GRM3: variants seen among roughly 807,000 people sequenced by gnomAD.
GRM3 encodes the protein metabotropic glutamate receptor 3.
Under a neutral mutation model 70.5 loss-of-function variants are expected in GRM3, and 26 were observed. The observed-to-expected ratio is 0.37, with a 90% confidence interval of 0.27 to 0.51. The LOEUF is 0.51. GRM3 is among the 20% of genes least tolerant of loss of function. GRM3 has a pLI of 0.93. For missense variants in GRM3, 859 were observed against 1,123.8 expected (o/e 0.76, Z 3.37); for synonymous variants, 443 against 434.9 (o/e 1.02, Z -0.23).
At chr7:86,808,334 T>C (rs1342604594) in intron 3 of GRM3, among the ~76,000 whole-genome samples, 1 of 152,120 alleles carries the variant, frequency 6.6e-6, no homozygotes, top group Non-Finnish European at 1.5e-5. Context: ...CCAGCTCCTC[T>C]TTGTACCTCT....
chr7:86,863,574 C>T (rs1322892694), intron 5 of GRM3, among the ~76,000 whole-genome samples: 1 of 152,084 alleles, frequency 6.6e-6, no homozygotes, highest in African/African-American at 2.4e-5. Flanking sequence ...CTTAGCAACC[C>T]AGCCCTTACT....
chr7:86,843,873 G>A (rs901920609), intron 4 of GRM3, among the ~76,000 whole-genome samples: 1 of 152,154 alleles, frequency 6.6e-6, no homozygotes, highest in Non-Finnish European at 1.5e-5. Context: ...ACCTTGAAAA[G>A]CGGGTTACTG....
intron 1 of GRM3, among the ~76,000 whole-genome samples, chr7:86,705,479 C>T (rs1360980162): frequency 3.3e-5 from 5 of 151,926 alleles, no homozygotes; most frequent in Admixed American, 6.6e-5. Context: ...TGATGAAAAA[C>T]GAAGCTGAGG....
At chr7:86,656,361 C>T (rs900487782) in intron 1 of GRM3, among the ~76,000 whole-genome samples, 4 of 150,880 alleles carry the variant, frequency 2.7e-5, no homozygotes, top group African/African-American at 4.9e-5. Context: ...CTCTGCCTCC[C>T]GGGTTCAAGC....
At chr7:86,701,874 A>G (rs1175457560) in intron 1 of GRM3, among the ~76,000 whole-genome samples, 1 of 151,922 alleles carries the variant, frequency 6.6e-6, no homozygotes, top group Non-Finnish European at 1.5e-5. Context: ...TCCCATGCAT[A>G]TGATTGTCAC....
At chr7:86,832,532 T>C (rs1037601785) in intron 3 of GRM3, among the ~76,000 whole-genome samples, 2 of 151,890 alleles carry the variant, frequency 1.3e-5, no homozygotes, top group Non-Finnish European at 2.9e-5. Context: ...ATTACAGGAG[T>C]CAGCCACTGC....
chr7:86,709,567 G>A lies in GRM3; in HGVS notation c.-140-55439G>A, dbSNP rs139095083. 2.8e-3 allele frequency among the ~76,000 whole-genome samples: 424 copies of A among 152,070 alleles called. 1 individual carries two copies. Among genetic ancestry groups the A allele is most frequent in the Non-Finnish European group, 4.3e-3 (292 of 67,964 alleles). On this transcript the variant is annotated intron_variant, in intron 1 of 5. Transcript: ENST00000361669. Reference sequence around the variant, plus strand: ...CAGACCCAGCCTTGTGGTACCTTCGGGGGGGTGGGGGTAGCAAATGGAACC... The same window carrying A: ...CAGACCCAGCCTTGTGGTACCTTCGAGGGGGTGGGGGTAGCAAATGGAACC...
chr7:86,820,968 T>C (rs1798107422), intron 3 of GRM3, among the ~76,000 whole-genome samples: 1 of 152,156 alleles, frequency 6.6e-6, no homozygotes, highest in African/African-American at 2.4e-5. Context: ...GCCAAAAATA[T>C]GTCCTGCAGA....
Position 86,812,355 on chromosome 7 carries a change from A to G in GRM3, c.1324+25239A>G, listed in dbSNP as rs143780852. 1.6e-3 allele frequency among the ~76,000 whole-genome samples: 247 copies of G among 151,906 alleles called. 2 individuals carry two copies. The highest frequency in any genetic ancestry group is 5.6e-3 in the African/African-American group (234 of 41,486). Reference sequence around the variant, plus strand: ...GCCTGATACAGTGTGGGACAGGCCTATGAAATTGTACAGATGTGCTTGTGC... The same window carrying G: ...GCCTGATACAGTGTGGGACAGGCCTGTGAAATTGTACAGATGTGCTTGTGC... On this transcript the variant is annotated intron_variant, in intron 3 of 5. Transcript: ENST00000361669.
intron 1 of GRM3, among the ~76,000 whole-genome samples, chr7:86,733,490 C>T (rs1207947634): frequency 6.6e-6 from 1 of 152,042 alleles, no homozygotes; most frequent in African/African-American, 2.4e-5. Flanking sequence ...ATACCTGTAA[C>T]TCCAAAAGGG....
chr7:86,709,707 T>A (rs1302559545), intron 1 of GRM3, among the ~76,000 whole-genome samples: 1 of 152,088 alleles, frequency 6.6e-6, no homozygotes, highest in East Asian at 1.9e-4. Context: ...AATGATATCA[T>A]ATTAGTAGAT....
intron 3 of GRM3, among the ~76,000 whole-genome samples, chr7:86,800,720 G>T (rs1164776476): frequency 1.3e-5 from 2 of 152,194 alleles, no homozygotes; most frequent in Non-Finnish European, 2.9e-5. Context: ...ACAAAGAGGA[G>T]CTGGTATTAT....
chr7:86,668,476 C>T (rs1794087858), intron 1 of GRM3, among the ~76,000 whole-genome samples: 1 of 151,980 alleles, frequency 6.6e-6, no homozygotes, highest in South Asian at 2.1e-4. Flanking sequence ...GATTTAACAC[C>T]CTTTGATCGT....
rs374839602 is a variant in GRM3, at chr7:86,786,614, C to T, written c.822C>T (p.Leu274=). ...AGCCCAACGCGCGCGTCGTGGTCCT[C>T]TTCATGCGCAGCGACGACTCGCGGG... ...LQKPNARVVV[L]FMRSDDSREL... is the part of the protein sequence containing the mutation. The change falls in exon 3 of 6, where the codon CTC becomes CTT. Residue 274 remains leucine (L), a synonymous_variant. Coordinates refer to ENST00000361669, the MANE Select transcript of GRM3 (RefSeq NM_000840.3). The surrounding 1 kb of genome is among the most constrained non-coding windows in gnomAD (Gnocchi z 6.0). 8.1e-6 allele frequency: 13 copies of T among 1,613,274 alleles called. No homozygotes were observed. The African/African-American group carries it at 1.6e-4, about 20-fold the overall frequency.
chr7:86,712,996 G>A (rs1795232959), intron 1 of GRM3, among the ~76,000 whole-genome samples: 1 of 152,036 alleles, frequency 6.6e-6, no homozygotes, highest in African/African-American at 2.4e-5. Context: ...ATAACCAAGA[G>A]TGGAATTGCT....
At chr7:86,761,655 A>G (rs546532137) in intron 1 of GRM3, among the ~76,000 whole-genome samples, 1 of 152,284 alleles carries the variant, frequency 6.6e-6, no homozygotes, top group African/African-American at 2.4e-5. Flanking sequence ...AACGTAAACA[A>G]AGAGAAATAA....
At chr7:86,813,935 T>C (rs1233692049) in intron 3 of GRM3, among the ~76,000 whole-genome samples, 1 of 151,796 alleles carries the variant, frequency 6.6e-6, no homozygotes, top group African/African-American at 2.4e-5. Context: ...GAGAAAAGGC[T>C]AAGATCATCT....
At chr7:86,701,391 G>A (rs935887415) in intron 1 of GRM3, among the ~76,000 whole-genome samples, 9 of 151,812 alleles carry the variant, frequency 5.9e-5, no homozygotes, top group Non-Finnish European at 1.2e-4. Context: ...TTTTTAGAAA[G>A]TATGACAAAT....
intron 1 of GRM3, among the ~76,000 whole-genome samples, chr7:86,687,812 G>T (rs1366953770): frequency 1.3e-5 from 2 of 151,794 alleles, no homozygotes; most frequent in Non-Finnish European, 1.5e-5. Context: ...GAAAGGGAAT[G>T]ATGAAATTAA....
Sources: allele counts gnomAD v4.1 joint callset (sites outside exome capture counted in the v4.1 genomes callset), GRCh38; gene constraint gnomAD v4.1.1; non-coding constraint Gnocchi (gnomAD v3.1); transcripts MANE v1.5; gene names NCBI Gene and HGNC (gene_info 2026-07-23, HGNC 2026-07-21).